Variants in RNLS observed in about 807,000 individuals in gnomAD.
RNLS encodes renalase.
A neutral mutation model predicts 39.8 loss-of-function variants in RNLS; 39 were observed. The ratio of observed to expected loss-of-function variants is 0.98; its 90% CI spans 0.76 to 1.28. The LOEUF is 1.28. Among genes scored for constraint, RNLS ranks in the 50% most tolerant of loss-of-function variants. The pLI is 0.00. For synonymous variants in RNLS, 147 were observed against 150.7 expected (o/e 0.98, Z 0.18); for missense variants, 410 against 413.3 (o/e 0.99, Z 0.07).
chr10:88,329,533 T>G (rs557297517), intron 5 of RNLS, among the ~76,000 whole-genome samples: 1 of 152,316 alleles, frequency 6.6e-6, no homozygotes, highest in South Asian at 2.1e-4. Flanking sequence ...ATCTGAAGAC[T>G]TAATTTTGTA....
the RNLS span, among the ~76,000 whole-genome samples, chr10:88,184,432 A>T: frequency 0.14 from 21,468 of 152,110 alleles, 1,878 homozygotes; most frequent in Non-Finnish European, 0.2. Flanking sequence ...GAGACATTGA[A>T]ATTGAATAAT....
intron 4 of RNLS, among the ~76,000 whole-genome samples, chr10:88,526,979 A>G (rs996430960): frequency 6.6e-6 from 1 of 151,360 alleles, no homozygotes; most frequent in Admixed American, 6.6e-5. Context: ...AAGAAAAAAA[A>G]AGAGGGCAGT....
chr10:88,378,323 A>ATCTT (rs1851192686), intron 4 of RNLS, among the ~76,000 whole-genome samples: 1 of 152,170 alleles, frequency 6.6e-6, no homozygotes, highest in Admixed American at 6.5e-5. Flanking sequence ...GTTCTCCCTG[A>ATCTT]TCTTTTGCCA....
At chr10:88,495,414 C>G (rs1326661221) in intron 4 of RNLS, among the ~76,000 whole-genome samples, 1 of 152,068 alleles carries the variant, frequency 6.6e-6, no homozygotes, top group South Asian at 2.1e-4. Flanking sequence ...GTCTATAACT[C>G]TTATGGCAAA....
At chr10:88,186,858 T>C in the RNLS span, among the ~76,000 whole-genome samples, 1 of 152,134 alleles carries the variant, frequency 6.6e-6, no homozygotes, top group Non-Finnish European at 1.5e-5. Context: ...TTATGGAGGC[T>C]ATTAAGAGCT....
At chr10:88,327,082 A>G (rs10887802) in intron 5 of RNLS, among the ~76,000 whole-genome samples, 68,903 of 151,954 alleles carry the variant, frequency 0.45, 16,197 homozygotes, top group South Asian at 0.61. Context: ...ACCTGCTTTT[A>G]ATTTTACAGG....
intron 4 of RNLS, among the ~76,000 whole-genome samples, chr10:88,479,793 CTTTT>C (rs11293313): frequency 7.2e-6 from 1 of 139,326 alleles, no homozygotes. Context: ...TTCTTTTTTT[CTTTT>C]TTTTTTTTTT....
At chr10:88,222,954 T>G in the RNLS span, among the ~76,000 whole-genome samples, 1 of 152,368 alleles carries the variant, frequency 6.6e-6, no homozygotes, top group South Asian at 2.1e-4. Flanking sequence ...TAGTCTCAAA[T>G]CATGAAAATA....
At chr10:88,248,782 A>G in the RNLS span, among the ~76,000 whole-genome samples, 7 of 152,160 alleles carry the variant, frequency 4.6e-5, no homozygotes, top group African/African-American at 1.7e-4. Context: ...AACTCCCAAC[A>G]TGACAAATGA....
chr10:88,303,483 G>A (rs1486079807), intron 6 of RNLS, among the ~76,000 whole-genome samples: 1 of 152,178 alleles, frequency 6.6e-6, no homozygotes, highest in East Asian at 1.9e-4. Context: ...CTGGTGGACT[G>A]TGCCTGACGA....
At chr10:88,441,069 T>G (rs1841682842) in intron 4 of RNLS, among the ~76,000 whole-genome samples, 1 of 152,254 alleles carries the variant, frequency 6.6e-6, no homozygotes, top group Non-Finnish European at 1.5e-5. Context: ...AAAACTCATG[T>G]GTTATAAATA....
downstream of RNLS, chr10:88,273,841 C>T (rs1462726770): frequency 1.4e-5 from 2 of 146,968 alleles, no homozygotes; most frequent in African/African-American, 5.0e-5. Flanking sequence ...AAAAAAAATG[C>T]CAAATTGATA....
the RNLS span, among the ~76,000 whole-genome samples, chr10:88,241,287 CTTCTT>C: frequency 6.8e-6 from 1 of 147,130 alleles, no homozygotes; most frequent in African/African-American, 2.5e-5. Context: ...TGGAGCTAGT[CTTCTT>C]TTGTGGAATA....
intron 4 of RNLS, among the ~76,000 whole-genome samples, chr10:88,502,746 G>A (rs1477363813): frequency 6.6e-6 from 1 of 151,950 alleles, no homozygotes; most frequent in African/African-American, 2.4e-5. Flanking sequence ...ACAGAAGAAG[G>A]GCTACACATT....
At chr10:88,328,846 A>AT (rs1237063361) in intron 5 of RNLS, among the ~76,000 whole-genome samples, 4 of 152,064 alleles carry the variant, frequency 2.6e-5, no homozygotes, top group Admixed American at 6.6e-5. Flanking sequence ...CTCTAGGCTC[A>AT]TTTTCCTCTT....
At chr10:88,549,245 A>G (rs944325240) in intron 4 of RNLS, among the ~76,000 whole-genome samples, 6 of 148,664 alleles carry the variant, frequency 4.0e-5, no homozygotes, top group Non-Finnish European at 8.9e-5. Flanking sequence ...TTCATAAAGT[A>G]AACTACAAAA....
chr10:88,312,705 T>G (rs757655500), intron 6 of RNLS, among the ~76,000 whole-genome samples: 31 of 152,200 alleles, frequency 2.0e-4, no homozygotes, highest in Non-Finnish European at 3.4e-4. Context: ...TAAAATAATC[T>G]ATTTAGGGCT....
chr10:88,248,083 T>TA, the RNLS span, among the ~76,000 whole-genome samples: 1 of 152,238 alleles, frequency 6.6e-6, no homozygotes, highest in Non-Finnish European at 1.5e-5. Context: ...ACCAAGTTTT[T>TA]AATAATTTTT....
chr10:88,581,734 T>C lies in RNLS; in HGVS notation c.225-25A>G, dbSNP rs1850576928. On this transcript the variant is annotated intron_variant, in intron 2 of 6. Transcript: ENST00000331772. The stretch of plus-strand genomic sequence containing the variant: ...ACTGAAATAAATCAATATGTATATT[T>C]AATGTAATTATATACCATGAATAGC... The C allele has an allele frequency of 2.7e-6, 4 of 1,456,530 alleles. No homozygotes were observed. The East Asian group carries it at 1.0e-4, about 37-fold the overall frequency. The allele number at this position is 1,456,530 out of a possible 1,614,324, so 90.2% of individuals were successfully genotyped here.
Sources: allele counts gnomAD v4.1 joint callset (sites outside exome capture counted in the v4.1 genomes callset), GRCh38; gene constraint gnomAD v4.1.1; transcripts MANE v1.5; gene names NCBI Gene and HGNC (gene_info 2026-07-23, HGNC 2026-07-21).